FIP1L1: variants seen among roughly 807,000 people sequenced by gnomAD.
The protein encoded by FIP1L1 is pre-mRNA 3'-end-processing factor FIP1.
A neutral mutation model predicts 84.6 loss-of-function variants in FIP1L1; 21 were observed. That is an observed-to-expected ratio of 0.25 (90% confidence interval 0.18 to 0.36). The LOEUF is 0.36. FIP1L1 is among the 10% of genes least tolerant of loss of function. The pLI is 1.00. For missense variants in FIP1L1, 526 were observed against 751.1 expected, an observed-to-expected ratio of 0.70 and a Z score of 3.50; for synonymous variants, 263 against 242.3, an observed-to-expected ratio of 1.09 and a Z score of -0.80.
chr4:53,379,163 C>T, intron 2 of FIP1L1, 46 bp downstream of exon 2: 1 of 1,607,798 alleles, frequency 6.2e-7, no homozygotes. Context: ...ATACTAGTTT[C>T]TTTAAGAGTG....
intron 10 of FIP1L1, among the ~76,000 whole-genome samples, chr4:53,405,002 C>T (rs1752462014): frequency 6.6e-6 from 1 of 152,048 alleles, no homozygotes; most frequent in Admixed American, 6.5e-5. Context: ...TGCAGAAGCT[C>T]TTTAGTTTAA....
At chr4:53,393,495 T>A (rs1028218927) in intron 9 of FIP1L1, among the ~76,000 whole-genome samples, 1 of 152,176 alleles carries the variant, frequency 6.6e-6, no homozygotes, top group African/African-American at 2.4e-5. Context: ...TAACAGTGTT[T>A]TGACATTCTT....
At chr4:53,434,596 C>T (rs1237200114) in intron 13 of FIP1L1, among the ~76,000 whole-genome samples, 2 of 151,978 alleles carry the variant, frequency 1.3e-5, no homozygotes, top group African/African-American at 4.8e-5. Context: ...CTCAGCCTCC[C>T]GAGCAGCTGG....
chr4:53,445,083 A>C (rs1773617542), intron 15 of FIP1L1, among the ~76,000 whole-genome samples: 1 of 152,160 alleles, frequency 6.6e-6, no homozygotes, highest in South Asian at 2.1e-4. Context: ...GGTAGGTATT[A>C]GGAGCTGGAA....
Position 53,453,016 on chromosome 4 carries a change from G to A in FIP1L1, c.1382G>A (p.Arg461Gln). The A allele has an allele frequency of 6.2e-7, 1 of 1,613,518 alleles. No individual in the cohort carries two copies. The highest frequency in any genetic ancestry group is 8.5e-7 in the Non-Finnish European group (1 of 1,179,636). Residue 461 changes from arginine (R) to glutamine (Q), a missense_variant, in exon 16 of 18, where the codon CGA becomes CAA. This residue lies in a region of FIP1L1 where 83 missense variants were observed against 93.8 expected (regional missense o/e 0.88). Coordinates refer to ENST00000337488, the MANE Select transcript of FIP1L1 (RefSeq NM_030917.4). ...WDYYARREKD[R>Q]DRERDRDRER... is the part of the protein sequence containing the mutation. ...TATTATGCCAGAAGAGAGAAAGACCGAGATAGAGAGAGAGACAGAGACAGA... is the reference window on the plus strand; with the variant it reads ...TATTATGCCAGAAGAGAGAAAGACCAAGATAGAGAGAGAGACAGAGACAGA...
intron 9 of FIP1L1, among the ~76,000 whole-genome samples, chr4:53,396,356 A>T (rs775876401): frequency 1.6e-4 from 24 of 152,226 alleles, no homozygotes; most frequent in Admixed American, 5.9e-4. Context: ...TGAGAAAAAG[A>T]TTCAAAAGCA....
At position 53,455,753 on chromosome 4, in the gene FIP1L1, C is replaced by T. The variant is rs1718570299; in HGVS notation, c.1499+2620C>T. ...GCATTTTCCGTGAACTTTTTGAAGA[C>T]CTCTCATATTGTCAAGCTGTCTAGG... On this transcript the variant is annotated intron_variant, in intron 16 of 17. Transcript: ENST00000337488. 2.0e-5 allele frequency among the ~76,000 whole-genome samples: 3 copies of T among 151,930 alleles called. No homozygotes were observed. In the South Asian group the frequency reaches 6.2e-4, roughly 32 times the overall value.
intron 15 of FIP1L1, among the ~76,000 whole-genome samples, chr4:53,444,717 G>T (rs1306855088): frequency 6.6e-6 from 1 of 151,954 alleles, no homozygotes; most frequent in African/African-American, 2.4e-5. Context: ...ACGCAGCTAG[G>T]ACTACAGGCG....
intron 9 of FIP1L1, among the ~76,000 whole-genome samples, chr4:53,398,697 TAAA>T (rs1402305798): frequency 6.6e-6 from 1 of 152,124 alleles, no homozygotes; most frequent in East Asian, 1.9e-4. Context: ...AATTTTAAGA[TAAA>T]AAGGTGAGTA....
intron 10 of FIP1L1, among the ~76,000 whole-genome samples, chr4:53,408,512 T>C (rs562795211): frequency 2.2e-4 from 33 of 152,312 alleles, no homozygotes; most frequent in Non-Finnish European, 4.3e-4. Flanking sequence ...TGTGGCGTTC[T>C]CTGTATTTCC....
At chr4:53,427,588 G>A (rs1443532223) in intron 12 of FIP1L1, among the ~76,000 whole-genome samples, 1 of 152,144 alleles carries the variant, frequency 6.6e-6, no homozygotes, top group African/African-American at 2.4e-5. Flanking sequence ...CCCTTGTACA[G>A]TGAATGTCTG....
At chr4:53,443,882 T>TA (rs543270930) in intron 14 of FIP1L1, among the ~76,000 whole-genome samples, 166 bp from the exon 15 acceptor site, 113 of 152,074 alleles carry the variant, frequency 7.4e-4, no homozygotes, top group Non-Finnish European at 1.1e-3. Flanking sequence ...TTTTTTAGGT[T>TA]AAAAAAAACC....
intron 6 of FIP1L1, 139 bp downstream of exon 6, chr4:53,390,012 C>G: frequency 3.3e-6 from 2 of 603,218 alleles, no homozygotes; most frequent in Non-Finnish European, 5.7e-6. Flanking sequence ...AATCTTAGTT[C>G]ACTGCAACCT....
chr4:53,458,923 C>A, intron 17 of FIP1L1, 133 bp downstream of exon 17: 1 of 992,914 alleles, frequency 1.0e-6, no homozygotes, highest in Non-Finnish European at 1.4e-6. Flanking sequence ...AAATTCAGGG[C>A]CTTGTCTCAA....
chr4:53,419,473 A>G (rs1312617932), intron 11 of FIP1L1, among the ~76,000 whole-genome samples: 10 of 152,062 alleles, frequency 6.6e-5, no homozygotes, highest in Admixed American at 6.5e-4. Context: ...ACAGAGTCTC[A>G]CTCTGTTTCC....
In FIP1L1 at chr4:53,379,086, G is replaced by A. The variant is rs1295032610; in HGVS notation, c.99G>A (p.Val33=). ...ATGTGCTTATAGGCCCATGGGACGT[G>A]CATGTGCACAGTGATTTGGCAAAGG... The part of the protein sequence containing the change: ...EEWLYGGPWD[V]HVHSDLAKDL... The change falls in exon 2 of 18, where the codon GTG becomes GTA. Residue 33 remains valine, a synonymous_variant. Transcript: ENST00000337488. The A allele has an allele frequency of 6.2e-7, 1 of 1,614,120 alleles. No individual in the cohort carries two copies.
Position 53,399,783 on chromosome 4 carries a change from A to G in FIP1L1, c.759A>G (p.Thr253=), listed in dbSNP as rs1195026580. ...NSEKETALPS[T]KAEFTSPPSL... is the part of the protein sequence containing the mutation. ...AGAAAGAAACTGCCCTTCCATCTAC[A>G]AAAGCTGAGTTTACTTCTCCTCCTT... Residue 253 remains threonine (T), a synonymous_variant, in exon 10 of 18, where the codon ACA becomes ACG. Coordinates refer to ENST00000337488, the MANE Select transcript of FIP1L1 (RefSeq NM_030917.4). 6 of 1,613,846 alleles carry G rather than the reference A, an allele frequency of 3.7e-6. No homozygotes were observed. In the Admixed American group the frequency reaches 1.0e-4, roughly 27 times the overall value.
chr4:53,401,952 T>C (rs1210533356), intron 10 of FIP1L1, among the ~76,000 whole-genome samples: 3 of 152,100 alleles, frequency 2.0e-5, no homozygotes, highest in Non-Finnish European at 2.9e-5. Context: ...GAGGTAAGTA[T>C]TGATAGAGAA....
At chr4:53,433,960 G>T (rs78901866) in intron 13 of FIP1L1, among the ~76,000 whole-genome samples, 10 of 151,884 alleles carry the variant, frequency 6.6e-5, no homozygotes, top group Non-Finnish European at 1.5e-4. Context: ...GTCAGGGGGT[G>T]GGGGCGGGTG....
Sources: gnomAD v4.1 joint callset for allele counts (sites outside exome capture counted in the v4.1 genomes callset) on GRCh38, gnomAD v4.1.1 for gene constraint, gnomAD v4.1.1 regional missense constraint, MANE v1.5 for transcripts, NCBI Gene and HGNC (gene_info 2026-07-23, HGNC 2026-07-21) for gene names.